The following SMOC2 variants were observed in gnomAD, a reference collection of about 807,000 sequenced individuals.
SMOC2 encodes the protein SPARC related modular calcium binding 2.
A neutral mutation model predicts 61.4 loss-of-function variants in SMOC2; 39 were observed. The observed-to-expected ratio is 0.64, with a 90% CI of 0.49 to 0.83. The LOEUF (loss-of-function observed/expected upper bound fraction) is 0.83, where lower values mean the gene tolerates loss of function less well. SMOC2 is among the 40% of genes least tolerant of loss of function. SMOC2 has a pLI of 0.00. For synonymous variants in SMOC2, 247 were observed against 239.9 expected, an observed-to-expected ratio of 1.03 and a Z score of -0.27; for missense variants, 556 against 592.9, an observed-to-expected ratio of 0.94 and a Z score of 0.65.
intron 7 of SMOC2, among the ~76,000 whole-genome samples, chr6:168,558,818 C>T (rs9364262): frequency 1.5e-4 from 22 of 149,356 alleles, no homozygotes; most frequent in East Asian, 4.1e-4. Flanking sequence ...TGTGTGTGTG[C>T]GTATGTGCAT....
At chr6:168,523,634 C>T (rs1213881975) in intron 2 of SMOC2, among the ~76,000 whole-genome samples, 1 of 151,858 alleles carries the variant, frequency 6.6e-6, no homozygotes, top group South Asian at 2.1e-4. Context: ...CTCCTGACCT[C>T]GTGATGCGCC....
rs1184044155 is a variant in SMOC2, at chr6:168,650,757, C to T, written c.984C>T (p.Ala328=). The T allele has an allele frequency of 6.2e-7, 1 of 1,612,510 alleles. No homozygotes were observed. The part of the protein sequence containing the change: ...DALSTDMVHA[A]SDPSSSSGRL... ...TGTCCACGGACATGGTCCACGCCGC[C>T]TCCGACCCCTCCTCCTCGTCAGGCA... The change falls in exon 10 of 13, where the codon GCC becomes GCT. Residue 328 remains alanine, a synonymous_variant. Coordinates refer to ENST00000356284, the MANE Select transcript of SMOC2 (RefSeq NM_001166412.2).
intron 1 of SMOC2, among the ~76,000 whole-genome samples, chr6:168,444,113 G>A (rs1370425776): frequency 6.6e-6 from 1 of 152,178 alleles, no homozygotes; most frequent in African/African-American, 2.4e-5. Flanking sequence ...CAACTTTGCA[G>A]TATTTTCACC....
chr6:168,608,464 G>A (rs1785769888), intron 9 of SMOC2, among the ~76,000 whole-genome samples: 2 of 152,152 alleles, frequency 1.3e-5, no homozygotes, highest in African/African-American at 4.8e-5. Flanking sequence ...TGCTGTGTAT[G>A]GAAGGTCAGA....
chr6:168,656,119 C>T (rs563255920), intron 11 of SMOC2, among the ~76,000 whole-genome samples: 6 of 152,316 alleles, frequency 3.9e-5, no homozygotes, highest in African/African-American at 1.2e-4. Flanking sequence ...AAATCTCTGT[C>T]GTTTATGACT....
At chr6:168,582,710 A>G (rs1400603342) in intron 7 of SMOC2, among the ~76,000 whole-genome samples, 1 of 152,136 alleles carries the variant, frequency 6.6e-6, no homozygotes, top group Non-Finnish European at 1.5e-5. Context: ...GGCTCCCCCC[A>G]CCTGGGAGGA....
At chr6:168,536,477 G>C (rs1244011516) in intron 4 of SMOC2, among the ~76,000 whole-genome samples, 4 of 152,166 alleles carry the variant, frequency 2.6e-5, no homozygotes, top group African/African-American at 9.7e-5. Context: ...TCCCGCATGG[G>C]CCAGGGGGTG....
chr6:168,464,565 AT>A (rs35363708), intron 1 of SMOC2, among the ~76,000 whole-genome samples: 8,760 of 149,708 alleles, frequency 0.059, 775 homozygotes, highest in African/African-American at 0.19. Flanking sequence ...TAGGATTTTC[AT>A]TTTTTTTTTT....
rs9456197 is a variant in SMOC2 at position 168,567,968 on chromosome 6, C to G, written c.637+18765C>G. ...TTAGTGCATCTTCTCTTCAGATGAGCAGACACAGGCGAAGACCGGATGGTG... is the reference window on the plus strand; with the variant it reads ...TTAGTGCATCTTCTCTTCAGATGAGGAGACACAGGCGAAGACCGGATGGTG... On this transcript the variant is annotated intron_variant, in intron 7 of 12. Coordinates refer to ENST00000356284, the MANE Select transcript of SMOC2 (RefSeq NM_001166412.2). Among the ~76,000 whole-genome samples, 300 of 145,672 alleles carry G rather than the reference C, an allele frequency of 2.1e-3. 1 individual carries two copies. The highest frequency in any genetic ancestry group is 7.7e-3 in the African/African-American group (279 of 36,356).
At chr6:168,626,499 C>T (rs749032576) in intron 9 of SMOC2, among the ~76,000 whole-genome samples, 2 of 152,138 alleles carry the variant, frequency 1.3e-5, no homozygotes, top group East Asian at 1.9e-4. Flanking sequence ...AACACCTGGC[C>T]GTGGCGATTC....
chr6:168,441,605 G>A lies in SMOC2; in HGVS notation c.84+151G>A, dbSNP rs35013554. 1.9e-3 allele frequency: 2,241 copies of A among 1,174,966 alleles called. 5 individuals are homozygous for A. Among genetic ancestry groups the A allele is most frequent in the Non-Finnish European group, 2.2e-3 (1,959 of 906,626 alleles). The allele number at this position is 1,174,966 out of a possible 1,614,324, so 72.8% of individuals were successfully genotyped here. On this transcript the variant is annotated intron_variant, in intron 1 of 12. Coordinates refer to ENST00000356284, the MANE Select transcript of SMOC2 (RefSeq NM_001166412.2). ...CCGTGGAGCCTTCGCCTGCCGGCGA[G>A]GCTGGAGCAGGTAGGACGCAGCGTG... is the stretch of plus-strand genomic sequence containing the variant.
chr6:168,499,613 A>G (rs984055642), intron 1 of SMOC2, among the ~76,000 whole-genome samples: 2 of 152,228 alleles, frequency 1.3e-5, no homozygotes, highest in Non-Finnish European at 2.9e-5. Context: ...GTTACCTCCC[A>G]AAGTTTTAAT....
In SMOC2 at chr6:168,522,366, T is replaced by G. The variant is rs148151657; in HGVS notation, c.257-3980T>G. Among the ~76,000 whole-genome samples, 1,099 of 152,302 alleles carry G rather than the reference T, an allele frequency of 7.2e-3. 15 individuals carry two copies. Among genetic ancestry groups the G allele is most frequent in the African/African-American group, 0.025 (1,057 of 41,554 alleles). The stretch of plus-strand genomic sequence containing the variant: ...ATTTCTACTTTTTACCCAAAAGACT[T>G]GAAAACAGGCGTTCAAACAAAAATT... On this transcript the variant is annotated intron_variant, in intron 2 of 12. Coordinates refer to ENST00000356284, the MANE Select transcript of SMOC2 (RefSeq NM_001166412.2).
chr6:168,558,134 A>C (rs1222222008), intron 7 of SMOC2, among the ~76,000 whole-genome samples: 1 of 152,348 alleles, frequency 6.6e-6, no homozygotes, highest in South Asian at 2.1e-4. Context: ...CACCAGCAGA[A>C]GCTCTCTCAG....
In SMOC2 at chr6:168,643,697, G is replaced by A. The variant is rs549227199; in HGVS notation, c.908-6984G>A. Among the ~76,000 whole-genome samples the A allele has an allele frequency of 1.2e-4, 19 of 152,334 alleles. No homozygotes were observed. In the South Asian group the frequency reaches 3.7e-3, roughly 30 times the overall value. Reference sequence around the variant, plus strand: ...GAGCTCGGCACAAAATCACCTGGACGTAGGATGCACTCCTGCCTCTACCCC... The same window carrying A: ...GAGCTCGGCACAAAATCACCTGGACATAGGATGCACTCCTGCCTCTACCCC... On this transcript the variant is annotated intron_variant, in intron 9 of 12. Transcript: ENST00000356284.
intron 2 of SMOC2, among the ~76,000 whole-genome samples, chr6:168,511,034 G>A (rs956626529): frequency 2.0e-5 from 3 of 152,188 alleles, no homozygotes; most frequent in Admixed American, 1.3e-4. Context: ...GTTGGATGGC[G>A]CTTGATATTG....
chr6:168,483,797 T>C (rs1190478779), intron 1 of SMOC2, among the ~76,000 whole-genome samples: 1 of 152,124 alleles, frequency 6.6e-6, no homozygotes, highest in Non-Finnish European at 1.5e-5. Flanking sequence ...ATCACATCTA[T>C]GCCAAATGAT....
intron 7 of SMOC2, among the ~76,000 whole-genome samples, chr6:168,596,541 C>T (rs1785340203): frequency 6.6e-6 from 1 of 152,210 alleles, no homozygotes; most frequent in Non-Finnish European, 1.5e-5. Flanking sequence ...TGCTGAGTTT[C>T]CCGGGTGCTG....
intron 7 of SMOC2, among the ~76,000 whole-genome samples, chr6:168,580,427 T>C (rs1396136502): frequency 6.6e-6 from 1 of 152,242 alleles, no homozygotes; most frequent in African/African-American, 2.4e-5. Context: ...GAGGCACCTG[T>C]CACTGGTGTG....
Sources: gnomAD v4.1 joint callset for allele counts (sites outside exome capture counted in the v4.1 genomes callset) on GRCh38, gnomAD v4.1.1 for gene constraint, MANE v1.5 for transcripts, NCBI Gene and HGNC (gene_info 2026-07-23, HGNC 2026-07-21) for gene names.